RRH: variants seen among roughly 807,000 people sequenced by gnomAD.
RRH encodes the protein retinal pigment epithelium-derived rhodopsin homolog, also known as visual pigment-like receptor peropsin.
A neutral mutation model predicts 33.1 loss-of-function variants in RRH; 36 were observed. The ratio of observed to expected loss-of-function variants is 1.09; its 90% confidence interval spans 0.83 to 1.44. The LOEUF is 1.44. Among genes scored for constraint, RRH ranks in the 40% most tolerant of loss-of-function variants. RRH has a pLI of 0.00. For synonymous variants in RRH, 124 were observed against 140.2 expected (o/e 0.88, Z 0.82); for missense variants, 393 against 420.2 (o/e 0.94, Z 0.57).
chr4:109,831,117 C>T (rs73838887), intron 1 of RRH, among the ~76,000 whole-genome samples: 4,976 of 152,254 alleles, frequency 0.033, 241 homozygotes, highest in African/African-American at 0.11. Flanking sequence ...CTAAGACTCC[C>T]AGAATTATAG....
intron 2 of RRH, among the ~76,000 whole-genome samples, chr4:109,833,627 G>T (rs1310500470): frequency 1.3e-5 from 2 of 152,028 alleles, no homozygotes; most frequent in African/African-American, 4.8e-5. Context: ...TTTGCATATT[G>T]CAAATTAAAA....
intron 1 of RRH, 147 bp from the exon 2 acceptor site, chr4:109,832,992 C>G: frequency 1.5e-6 from 1 of 680,832 alleles, no homozygotes; most frequent in Admixed American, 2.4e-5. Flanking sequence ...ATGTCACATA[C>G]AGTTTTAAGA....
Position 109,833,157 on chromosome 4 carries a change from G to A in RRH, c.125G>A (p.Ser42Asn). 5 of 1,612,934 alleles carry A rather than the reference G, an allele frequency of 3.1e-6. No homozygotes were observed. Among genetic ancestry groups the A allele is most frequent in the Non-Finnish European group, 2.5e-6 (3 of 1,178,976 alleles). The change falls in exon 2 of 7, where the codon AGC becomes AAC. Residue 42 changes from serine (S) to asparagine (N), a missense_variant. Transcript: ENST00000317735. Reference protein sequence around the residue: ...LIMAGMISIISNIIVLGIFIK... With the variant: ...LIMAGMISIINNIIVLGIFIK... ...TTCTCAGGTATGATAAGTATTATCA[G>A]CAACATAATAGTTCTGGGCATCTTC...
chr4:109,843,888 G>A (rs1274068972), intron 6 of RRH, among the ~76,000 whole-genome samples, 195 bp from the exon 7 acceptor site: 3 of 152,100 alleles, frequency 2.0e-5, no homozygotes, highest in Admixed American at 6.5e-5. Flanking sequence ...AGAATCAATA[G>A]TGCAAAATGG....
rs1734003177 is a variant in RRH, at chr4:109,842,517, T to C, written c.769T>C (p.Ser257Pro). The C allele has an allele frequency of 6.2e-7, 1 of 1,614,142 alleles. No homozygotes were observed. The highest frequency in any genetic ancestry group is 1.3e-5 in the African/African-American group (1 of 75,054). ...CMFLVAWSPY[S>P]IVCLWASFGD... is the part of the protein sequence containing the mutation. ...GTTTCTGGTGGCATGGTCCCCTTAT[T>C]CCATCGTGTGCTTATGGGCTTCTTT... Residue 257 changes from serine to proline, a missense_variant, in exon 6 of 7, where the codon TCC (serine) becomes CCC (proline). Coordinates refer to ENST00000317735, the MANE Select transcript of RRH (RefSeq NM_006583.5).
At position 109,833,164 on chromosome 4, in the gene RRH, A is replaced by G; in HGVS notation, c.132A>G (p.Ile44Met). The G allele has an allele frequency of 1.2e-6, 2 of 1,613,654 alleles. No individual in the cohort carries two copies. Among genetic ancestry groups the G allele is most frequent in the Non-Finnish European group, 1.7e-6 (2 of 1,179,554 alleles). ...GTATGATAAGTATTATCAGCAACAT[A>G]ATAGTTCTGGGCATCTTCATTAAGT... The part of the protein sequence containing the change: ...MAGMISIISN[I>M]IVLGIFIKYK... The change falls in exon 2 of 7, where the codon ATA (isoleucine) becomes ATG (methionine). Residue 44 changes from isoleucine (I) to methionine (M), a missense_variant. Ile to Met is a conservative substitution (Grantham distance 10, BLOSUM62 1). Transcript: ENST00000317735.
chr4:109,837,398 A>G, intron 4 of RRH, 39 bp from the exon 5 acceptor site: 3 of 1,569,028 alleles, frequency 1.9e-6, no homozygotes, highest in Non-Finnish European at 2.6e-6. Context: ...CACTTAGGAC[A>G]TTAAATGAGC....
chr4:109,842,580 A>G lies in RRH; in HGVS notation c.832A>G (p.Ile278Val), dbSNP rs780421028. 9 of 1,614,146 alleles carry G rather than the reference A, an allele frequency of 5.6e-6. No homozygotes were observed. The South Asian group carries it at 7.7e-5, about 14-fold the overall frequency. The change falls in exon 6 of 7, where the codon ATA (isoleucine) becomes GTA (valine). Residue 278 changes from isoleucine to valine, a missense_variant. Ile to Val is a conservative substitution (Grantham distance 29). Transcript: ENST00000317735. Reference sequence around the variant, plus strand: ...GAAGATTCCTCCCCCCATGGCCATCATAGCTCCACTGTTTGCAAAATCTTC... The same window carrying G: ...GAAGATTCCTCCCCCCATGGCCATCGTAGCTCCACTGTTTGCAAAATCTTC... ...PKKIPPPMAIIAPLFAKSSTF... is the reference protein window; with the variant it reads ...PKKIPPPMAIVAPLFAKSSTF...
At chr4:109,830,406 T>C (rs1250594342) in intron 1 of RRH, among the ~76,000 whole-genome samples, 1 of 152,138 alleles carries the variant, frequency 6.6e-6, no homozygotes, top group Non-Finnish European at 1.5e-5. Context: ...GCCATTGCAG[T>C]GATTCTGAGG....
intron 3 of RRH, 94 bp from the exon 4 acceptor site, chr4:109,835,913 G>T (rs767250229): frequency 1.0e-4 from 155 of 1,489,186 alleles, no homozygotes; most frequent in Non-Finnish European, 1.4e-4. Flanking sequence ...GCTCTGTAAA[G>T]AATCTACTTG....
chr4:109,841,454 C>T (rs1422498996), intron 5 of RRH, among the ~76,000 whole-genome samples: 2 of 151,680 alleles, frequency 1.3e-5, no homozygotes, highest in African/African-American at 4.9e-5. Flanking sequence ...TGGAAGTCTT[C>T]TAGGGAGAGG....
intron 2 of RRH, among the ~76,000 whole-genome samples, chr4:109,834,695 G>T (rs372121380): frequency 6.6e-6 from 1 of 151,700 alleles, no homozygotes; most frequent in African/African-American, 2.4e-5. Context: ...TCTTACATAT[G>T]TCTCCTTCTG....
chr4:109,830,934 T>C (rs1211541922), intron 1 of RRH, among the ~76,000 whole-genome samples: 2 of 152,146 alleles, frequency 1.3e-5, no homozygotes, highest in African/African-American at 4.8e-5. Context: ...CAAGTGCTAC[T>C]TAGTGTTTAG....
At position 109,836,091 on chromosome 4, in the gene RRH, T is replaced by C. The variant is rs1387463917; in HGVS notation, c.482T>C (p.Ile161Thr). 1 of 1,614,082 alleles carries C rather than the reference T, an allele frequency of 6.2e-7. No individual in the cohort carries two copies. Among genetic ancestry groups the C allele is most frequent in the Admixed American group, 1.7e-5 (1 of 60,006 alleles). Residue 161 changes from isoleucine to threonine, a missense_variant, in exon 4 of 7, where the codon ATA becomes ACA. By Grantham distance (89) the Ile-to-Thr change is moderately conservative. Coordinates refer to ENST00000317735, the MANE Select transcript of RRH (RefSeq NM_006583.5). ...CTGTTTTGGGCTTTGATGCCTATCA[T>C]AGGGTGGGCTAGTTATGCCCCAGAT... is the stretch of plus-strand genomic sequence containing the variant. ...NGLFWALMPIIGWASYAPDPT... is the reference protein window; with the variant it reads ...NGLFWALMPITGWASYAPDPT...
chr4:109,844,233 G>T lies in RRH; in HGVS notation c.*36G>T, dbSNP rs779796989. 6 of 1,321,980 alleles carry T rather than the reference G, an allele frequency of 4.5e-6. No homozygotes were observed. The Admixed American group carries it at 8.4e-5, about 19-fold the overall frequency. The allele number at this position is 1,321,980 out of a possible 1,614,324, so 81.9% of individuals were successfully genotyped here. On this transcript the variant is annotated 3_prime_UTR_variant, in exon 7 of 7. Coordinates refer to ENST00000317735, the MANE Select transcript of RRH (RefSeq NM_006583.5). Reference sequence around the variant, plus strand: ...AAGGACACACTATCAAAACACTTTAGTTTTTTGACAATGCTTTTCTTTTAA... The same window carrying T: ...AAGGACACACTATCAAAACACTTTATTTTTTTGACAATGCTTTTCTTTTAA...
chr4:109,836,149 G>GA lies in RRH; in HGVS notation c.545dup (p.Asn182LysfsTer2). 1 of 1,614,000 alleles carries GA rather than the reference G, an allele frequency of 6.2e-7. No homozygotes were observed. Among genetic ancestry groups the GA allele is most frequent in the Non-Finnish European group, 8.5e-7 (1 of 1,179,974 alleles). ...GTGCTACGTGTACCATAAACTGGAG[G>GA]AAAAATGATAGGTAAGAGACAAGTT... On this transcript the variant is annotated frameshift_variant, in exon 4 of 7. Coordinates refer to ENST00000317735, the MANE Select transcript of RRH (RefSeq NM_006583.5). LOFTEE classifies it high-confidence loss of function.
At chr4:109,831,743 A>G (rs1254042631) in intron 1 of RRH, among the ~76,000 whole-genome samples, 1 of 152,154 alleles carries the variant, frequency 6.6e-6, no homozygotes, top group Non-Finnish European at 1.5e-5. Flanking sequence ...GAGAGTGACA[A>G]CAGATGAGGC....
At chr4:109,833,700 A>C (rs2125892694) in intron 2 of RRH, among the ~76,000 whole-genome samples, 1 of 152,348 alleles carries the variant, frequency 6.6e-6, no homozygotes, top group Non-Finnish European at 1.5e-5. Context: ...TATGGAAGAT[A>C]GTTAAGCTAC....
chr4:109,842,489 C>T lies in RRH; in HGVS notation c.741C>T (p.Cys247=), dbSNP rs375022787. ...DVTKMSVIMI[C]MFLVAWSPYS... The stretch of plus-strand genomic sequence containing the variant: ...TTCAGATGTCTGTGATCATGATCTG[C>T]ATGTTTCTGGTGGCATGGTCCCCTT... The change falls in exon 6 of 7, where the codon TGC becomes TGT. Residue 247 remains cysteine (C), a synonymous_variant. Transcript: ENST00000317735. The T allele has an allele frequency of 2.5e-5, 41 of 1,613,830 alleles. No individual in the cohort carries two copies. The highest frequency in any genetic ancestry group is 3.1e-5 in the Non-Finnish European group (37 of 1,179,968).
Sources: allele counts gnomAD v4.1 joint callset (sites outside exome capture counted in the v4.1 genomes callset), GRCh38; gene constraint gnomAD v4.1.1; transcripts MANE v1.5; gene names NCBI Gene and HGNC (gene_info 2026-07-23, HGNC 2026-07-21).